Variants in SHISA9 observed in about 807,000 individuals in gnomAD.
The protein encoded by SHISA9 is shisa family member 9.
Under a neutral mutation model 38.0 loss-of-function variants are expected in SHISA9, and 13 were observed. The observed-to-expected ratio is 0.34, with a 90% CI of 0.22 to 0.54. SHISA9 has a LOEUF of 0.54. Ranked by LOEUF, SHISA9 falls within the 20% of genes least tolerant of loss-of-function variation. The pLI, the probability that SHISA9 is intolerant of heterozygous loss-of-function variation, is 0.91. For synonymous variants in SHISA9, 275 were observed against 242.0 expected (o/e 1.14, Z -1.27); for missense variants, 538 against 575.8 (o/e 0.93, Z 0.67).
intron 2 of SHISA9, among the ~76,000 whole-genome samples, chr16:13,139,731 CATTTT>C (rs2141994877): frequency 6.6e-6 from 1 of 152,230 alleles, no homozygotes; most frequent in Non-Finnish European, 1.5e-5. Context: ...CTGAGGTGGA[CATTTT>C]GTTCCTAACA....
chr16:13,107,472 G>GACACACACAC (rs34291803), intron 2 of SHISA9, among the ~76,000 whole-genome samples: 52 of 144,432 alleles, frequency 3.6e-4, no homozygotes, highest in East Asian at 8.2e-4. Flanking sequence ...AAAAACAACA[G>GACACACACAC]ACACACACAC....
At chr16:13,405,293 AATTAC>A in the SHISA9 span, among the ~76,000 whole-genome samples, 27 of 152,330 alleles carry the variant, frequency 1.8e-4, no homozygotes, top group South Asian at 4.4e-3. Flanking sequence ...TCATGCCCTT[AATTAC>A]ATGGGACCAC....
the SHISA9 span, among the ~76,000 whole-genome samples, chr16:13,557,404 G>A: frequency 2.0e-5 from 3 of 152,250 alleles, no homozygotes; most frequent in East Asian, 1.9e-4. Flanking sequence ...TCCCTTTAAC[G>A]CCACTAAGGA....
the SHISA9 span, among the ~76,000 whole-genome samples, chr16:13,536,633 A>G: frequency 6.6e-6 from 1 of 152,202 alleles, no homozygotes; most frequent in Non-Finnish European, 1.5e-5. Flanking sequence ...AAGACGCTGG[A>G]AGGGGAAGAA....
chr16:13,464,018 A>G, the SHISA9 span, among the ~76,000 whole-genome samples: 1 of 152,252 alleles, frequency 6.6e-6, no homozygotes, highest in African/African-American at 2.4e-5. Context: ...CTCAGACTCA[A>G]ACTGCATCCT....
intron 2 of SHISA9, among the ~76,000 whole-genome samples, chr16:13,066,058 C>T (rs964451329): frequency 1.3e-5 from 2 of 152,206 alleles, no homozygotes; most frequent in Non-Finnish European, 2.9e-5. Flanking sequence ...AAAGAAGCCC[C>T]CACATTTTTT....
At chr16:13,505,350 C>T in the SHISA9 span, among the ~76,000 whole-genome samples, 1 of 152,122 alleles carries the variant, frequency 6.6e-6, no homozygotes, top group Admixed American at 6.5e-5. Flanking sequence ...TTCGTATATT[C>T]TTATTGATCA....
chr16:13,184,370 T>A (rs150153462), intron 2 of SHISA9, among the ~76,000 whole-genome samples: 44 of 152,262 alleles, frequency 2.9e-4, no homozygotes, highest in Admixed American at 5.2e-4. Flanking sequence ...CCATTTAAGC[T>A]CCATATTTCA....
intron 2 of SHISA9, among the ~76,000 whole-genome samples, chr16:13,090,315 G>A (rs2073760148): frequency 6.6e-6 from 1 of 152,172 alleles, no homozygotes; most frequent in South Asian, 2.1e-4. Context: ...ATATCTGTTA[G>A]GTCTCCTTTT....
At chr16:13,156,664 G>T (rs1278295309) in intron 2 of SHISA9, among the ~76,000 whole-genome samples, 1 of 151,222 alleles carries the variant, frequency 6.6e-6, no homozygotes, top group Non-Finnish European at 1.5e-5. Context: ...AACCTGGGAG[G>T]TGGAGCTCGC....
intron 3 of SHISA9, among the ~76,000 whole-genome samples, chr16:13,211,947 G>C (rs2142064199): frequency 6.6e-6 from 1 of 152,248 alleles, no homozygotes; most frequent in Admixed American, 6.5e-5. Flanking sequence ...AGTCATCCTG[G>C]GTGGGCCCGA....
At chr16:13,319,837 G>C in the SHISA9 span, among the ~76,000 whole-genome samples, 1 of 150,162 alleles carries the variant, frequency 6.7e-6, no homozygotes, top group African/African-American at 2.4e-5. Context: ...GGAACAGAAC[G>C]CATGTGGCTT....
chr16:13,223,255 C>T (rs190432458), intron 4 of SHISA9, among the ~76,000 whole-genome samples: 1 of 151,948 alleles, frequency 6.6e-6, no homozygotes, highest in Admixed American at 6.6e-5. Flanking sequence ...AGTGAGACAC[C>T]CTTCTCTACA....
intron 2 of SHISA9, among the ~76,000 whole-genome samples, chr16:13,125,178 C>G (rs150074): frequency 0.08 from 12,165 of 152,180 alleles, 524 homozygotes; most frequent in Admixed American, 0.097. Flanking sequence ...AGTGAAGAGA[C>G]CACCCAGAGA....
chr16:13,443,672 A>T, the SHISA9 span, among the ~76,000 whole-genome samples: 1 of 152,208 alleles, frequency 6.6e-6, no homozygotes, highest in Non-Finnish European at 1.5e-5. Context: ...CATTTTAAAC[A>T]AGAAAATAAA....
At chr16:13,324,278 G>T in the SHISA9 span, among the ~76,000 whole-genome samples, 1 of 152,142 alleles carries the variant, frequency 6.6e-6, no homozygotes, top group Non-Finnish European at 1.5e-5. Context: ...AATCAGAATT[G>T]ATTACCCTTT....
chr16:12,934,851 A>G (rs1049651863), intron 2 of SHISA9, among the ~76,000 whole-genome samples: 4 of 152,186 alleles, frequency 2.6e-5, no homozygotes, highest in Non-Finnish European at 5.9e-5. Flanking sequence ...ACAAAAGTCA[A>G]TTCTTCTTCA....
At chr16:13,380,732 T>C in the SHISA9 span, among the ~76,000 whole-genome samples, 10 of 152,182 alleles carry the variant, frequency 6.6e-5, no homozygotes. Context: ...ACAGTTTTGT[T>C]ACATAGGTAT....
chr16:13,161,185 G>A (rs1303037647), intron 2 of SHISA9, among the ~76,000 whole-genome samples: 2 of 152,158 alleles, frequency 1.3e-5, no homozygotes, highest in Non-Finnish European at 1.5e-5. Flanking sequence ...GCTGTCCAGA[G>A]GTTTTAGAGA....
Sources: allele counts gnomAD v4.1 joint callset (sites outside exome capture counted in the v4.1 genomes callset), GRCh38; gene constraint gnomAD v4.1.1; transcripts MANE v1.5; gene names NCBI Gene and HGNC (gene_info 2026-07-23, HGNC 2026-07-21).